Variants in RILPL1 observed in about 807,000 individuals in gnomAD.
The protein encoded by RILPL1 is Rab interacting lysosomal protein like 1.
In RILPL1, 33 loss-of-function variants were observed where a neutral mutation model predicts 50.3. That is an observed-to-expected ratio of 0.66 (90% CI 0.50 to 0.88). RILPL1 has a LOEUF of 0.88. RILPL1 is among the 40% of genes least tolerant of loss of function. The probability of loss-of-function intolerance (pLI) is 0.00; values close to 1 mark genes in which losing one functional copy is unlikely to be tolerated. For missense variants in RILPL1, 418 were observed against 542.5 expected, an observed-to-expected ratio of 0.77 and a Z score of 2.28; for synonymous variants, 205 against 228.6, an observed-to-expected ratio of 0.90 and a Z score of 0.93.
At chr12:123,516,608 C>A (rs1884710836) in intron 2 of RILPL1, among the ~76,000 whole-genome samples, 1 of 152,202 alleles carries the variant, frequency 6.6e-6, no homozygotes, top group Non-Finnish European at 1.5e-5. Flanking sequence ...CAGTTCTGGG[C>A]ATGGTGGCTC....
chr12:123,512,771 CTGTG>C (rs1329017426), intron 2 of RILPL1, among the ~76,000 whole-genome samples: 1 of 83,872 alleles, frequency 1.2e-5, no homozygotes, highest in South Asian at 4.2e-4. Context: ...TGTGTGAGGT[CTGTG>C]TGTGGTGTGT....
chr12:123,531,936 T>C (rs1248580612), intron 1 of RILPL1, among the ~76,000 whole-genome samples: 2 of 152,170 alleles, frequency 1.3e-5, no homozygotes, highest in Non-Finnish European at 2.9e-5. Flanking sequence ...TGCTCAACTC[T>C]TGGGAGCCTG....
chr12:123,529,198 G>A (rs1044848034), intron 1 of RILPL1, among the ~76,000 whole-genome samples: 2 of 152,094 alleles, frequency 1.3e-5, no homozygotes, highest in African/African-American at 4.8e-5. Context: ...ACCTCCTCAG[G>A]GAAGACTTCC....
At position 123,514,135 on chromosome 12, in the gene RILPL1, C is replaced by T. The variant is rs59547046; in HGVS notation, c.460+9360G>A. ...ACAGTGGAGGACAATTCAGCCATAA[C>T]GAGGAAAGCAGCTCTGACACGCCAC... On this transcript the variant is annotated intron_variant, in intron 2 of 6. Coordinates refer to ENST00000376874, the MANE Select transcript of RILPL1 (RefSeq NM_178314.5). 0.012 allele frequency: 1,863 copies of T among 152,300 alleles called. 97 individuals carry two copies. In the East Asian group the frequency reaches 0.18, roughly 15 times the overall value. The allele number at this position is 152,300 out of a possible 1,614,324, so 9.4% of individuals were successfully genotyped here.
chr12:123,488,050 G>A (rs546313278), intron 4 of RILPL1, among the ~76,000 whole-genome samples: 4 of 152,154 alleles, frequency 2.6e-5, no homozygotes, highest in East Asian at 1.9e-4. Context: ...CCAATGTCCC[G>A]TGACCAACCA....
intron 2 of RILPL1, among the ~76,000 whole-genome samples, chr12:123,511,738 G>T (rs1225639840): frequency 2.7e-4 from 37 of 139,412 alleles, no homozygotes; most frequent in Non-Finnish European, 5.1e-4. Flanking sequence ...TGTGTGTGGT[G>T]TGTGTGAGGT....
At chr12:123,475,385 T>C in intron 6 of RILPL1, 1 of 459,768 alleles carries the variant, frequency 2.2e-6, no homozygotes, top group East Asian at 3.9e-5. Flanking sequence ...AGGACCTTCT[T>C]TACTGGATCA....
intron 2 of RILPL1, among the ~76,000 whole-genome samples, chr12:123,521,619 G>GTA (rs1462060026): frequency 1.1e-4 from 10 of 89,138 alleles, no homozygotes; most frequent in African/African-American, 5.3e-4. Flanking sequence ...ACACATATGT[G>GTA]TATATATATA....
At position 123,532,701 on chromosome 12, in the gene RILPL1, A is replaced by C. The variant is rs1415337421; in HGVS notation, c.309+473T>G. On this transcript the variant is annotated intron_variant, in intron 1 of 6. Coordinates refer to ENST00000376874, the MANE Select transcript of RILPL1 (RefSeq NM_178314.5). ...GTCACATTCCCTTTGCTCTGGGGAGACTGGGGGGGGGGGGGATGAAGAAAG... is the reference window on the plus strand; with the variant it reads ...GTCACATTCCCTTTGCTCTGGGGAGCCTGGGGGGGGGGGGGATGAAGAAAG... Among the ~76,000 whole-genome samples the C allele has an allele frequency of 4.2e-3, 95 of 22,720 alleles. 2 individuals are homozygous for C. The highest frequency in any genetic ancestry group is 5.5e-3 in the Admixed American group (8 of 1,448). The allele number at this position is 22,720 out of a possible 152,430, so 14.9% of individuals were successfully genotyped here. A position where few individuals can be genotyped will look rare whatever the true frequency, so the allele number is the denominator to read the frequency against.
At chr12:123,492,802 G>A (rs1882780813) in intron 4 of RILPL1, among the ~76,000 whole-genome samples, 1 of 152,152 alleles carries the variant, frequency 6.6e-6, no homozygotes, top group Non-Finnish European at 1.5e-5. Flanking sequence ...AACATGTGCT[G>A]TGTCCACTCA....
At position 123,485,967 on chromosome 12, in the gene RILPL1, A is replaced by G. The variant is rs1445707413; in HGVS notation, c.802-162T>C. On this transcript the variant is annotated intron_variant, in intron 4 of 6. Transcript: ENST00000376874. This position sits in a 1 kb window ranked among gnomAD's most constrained non-coding sequence, Gnocchi z 4.0. ...GGCGGCCCTTGCTCACGTTCTGTAC[A>G]GTTTCCCTCTGGAGGTGGAAGCCAG... 6.6e-6 allele frequency among the ~76,000 whole-genome samples: 1 copy of G among 152,134 alleles called. No individual in the cohort carries two copies. The highest frequency in any genetic ancestry group is 1.5e-5 in the Non-Finnish European group (1 of 68,018).
chr12:123,508,417 A>C (rs1385826497), intron 2 of RILPL1, among the ~76,000 whole-genome samples: 1 of 152,064 alleles, frequency 6.6e-6, no homozygotes, highest in Non-Finnish European at 1.5e-5. Context: ...AACAAAAAAC[A>C]AAAAACCCAC....
At position 123,487,310 on chromosome 12, in the gene RILPL1, T is replaced by A. The variant is rs186095012; in HGVS notation, c.802-1505A>T. 7.2e-3 allele frequency among the ~76,000 whole-genome samples: 800 copies of A among 111,282 alleles called. 9 individuals carry two copies. Among genetic ancestry groups the A allele is most frequent in the African/African-American group, 0.022 (753 of 34,888 alleles). The allele number at this position is 111,282 out of a possible 152,430, so 73.0% of individuals were successfully genotyped here. ...TGCAGCACACACCAGCACTTCACTC[T>A]TTTTTTTTTTGAGATGGCATCTCAC... On this transcript the variant is annotated intron_variant, in intron 4 of 6. Transcript: ENST00000376874.
At chr12:123,513,285 C>T in intron 2 of RILPL1, 2 of 309,880 alleles carry the variant, frequency 6.5e-6, no homozygotes, top group South Asian at 2.3e-5. Context: ...CCACAAACTC[C>T]TCCCGACCCC....
At chr12:123,481,018 G>T (rs1881952044) in intron 6 of RILPL1, among the ~76,000 whole-genome samples, 1 of 152,174 alleles carries the variant, frequency 6.6e-6, no homozygotes, top group Admixed American at 6.5e-5. Context: ...GTGACTGATG[G>T]AAATCTTGGG....
chr12:123,518,176 T>C (rs1884814069), intron 2 of RILPL1, among the ~76,000 whole-genome samples: 1 of 152,124 alleles, frequency 6.6e-6, no homozygotes, highest in East Asian at 1.9e-4. Context: ...AGACTGTGAA[T>C]GTACTTAATG....
chr12:123,495,922 C>T (rs1178314294), intron 4 of RILPL1, among the ~76,000 whole-genome samples: 2 of 151,988 alleles, frequency 1.3e-5, no homozygotes, highest in Non-Finnish European at 2.9e-5. Flanking sequence ...CTCAGGAAAT[C>T]GGCCTGCCTT....
At chr12:123,521,619 GTA>G (rs1462060026) in intron 2 of RILPL1, among the ~76,000 whole-genome samples, 40 of 89,146 alleles carry the variant, frequency 4.5e-4, no homozygotes, top group African/African-American at 1.2e-3. Flanking sequence ...ACACATATGT[GTA>G]TATATATACA....
chr12:123,502,342 A>G (rs1188751271), intron 2 of RILPL1, among the ~76,000 whole-genome samples: 1 of 152,194 alleles, frequency 6.6e-6, no homozygotes, highest in Non-Finnish European at 1.5e-5. Flanking sequence ...CTTTTTGTGT[A>G]AGGTTACAAA....
Sources: gnomAD v4.1 joint callset for allele counts (sites outside exome capture counted in the v4.1 genomes callset) on GRCh38, gnomAD v4.1.1 for gene constraint, Gnocchi (gnomAD v3.1) non-coding constraint, MANE v1.5 for transcripts, NCBI Gene and HGNC (gene_info 2026-07-23, HGNC 2026-07-21) for gene names.